The following ARHGEF3 variants were observed in gnomAD, a reference collection of about 807,000 sequenced individuals.
ARHGEF3 encodes 59.8 kDA protein.
In ARHGEF3, 28 loss-of-function variants were observed where a neutral mutation model predicts 63.2. That is an observed-to-expected ratio of 0.44 (90% CI 0.33 to 0.61). ARHGEF3 has a LOEUF of 0.61. ARHGEF3 is among the 20% of genes least tolerant of loss of function. ARHGEF3 has a pLI of 0.03. For synonymous variants in ARHGEF3, 266 were observed against 254.2 expected (o/e 1.05, Z -0.44); for missense variants, 533 against 659.3 (o/e 0.81, Z 2.10).
chr3:56,766,032 T>G (rs552057597), intron 2 of ARHGEF3, among the ~76,000 whole-genome samples: 1 of 152,170 alleles, frequency 6.6e-6, no homozygotes, highest in Non-Finnish European at 1.5e-5. Context: ...TGGTTTTTTT[T>G]CCCTATCCAT....
At chr3:56,811,155 G>A (rs2038049130) in intron 4 of ARHGEF3, among the ~76,000 whole-genome samples, 1 of 152,216 alleles carries the variant, frequency 6.6e-6, no homozygotes, top group Non-Finnish European at 1.5e-5. Flanking sequence ...TATACTCCGA[G>A]TAAACTACCA....
chr3:56,737,142 T>TA (rs2033676981), intron 8 of ARHGEF3, 43 bp downstream of exon 8: 3 of 1,540,790 alleles, frequency 1.9e-6, no homozygotes, highest in Non-Finnish European at 2.7e-6. Context: ...GAATTAGGGA[T>TA]ACGGGAGGCG....
intron 1 of ARHGEF3, among the ~76,000 whole-genome samples, chr3:57,068,056 C>T (rs1705663095): frequency 6.6e-6 from 1 of 152,018 alleles, no homozygotes; most frequent in Non-Finnish European, 1.5e-5. Context: ...ACCTGTAGTC[C>T]CAGTTACTCT....
At chr3:56,920,602 G>C (rs2108362916) in intron 3 of ARHGEF3, among the ~76,000 whole-genome samples, 1 of 152,244 alleles carries the variant, frequency 6.6e-6, no homozygotes, top group South Asian at 2.1e-4. Context: ...ACTTTATCCT[G>C]GTTCCTTAAT....
At chr3:56,827,703 C>T (rs1255731548) in intron 4 of ARHGEF3, among the ~76,000 whole-genome samples, 1 of 126,518 alleles carries the variant, frequency 7.9e-6, no homozygotes, top group Non-Finnish European at 1.6e-5. Context: ...TTACTTGAGC[C>T]TAAGAGTTCA....
chr3:57,073,783 T>A lies in ARHGEF3; in HGVS notation c.-28+5443A>T, dbSNP rs748009888. On this transcript the variant is annotated intron_variant, in intron 1 of 12. Coordinates refer to the ARHGEF3 transcript ENST00000338458. The stretch of plus-strand genomic sequence containing the variant: ...AAGGCACTAGACTCTTCCAGACTCG[T>A]TCCATGGCCACCCAGAGGCCTTGGG... The A allele has an allele frequency of 5.6e-6, 9 of 1,614,218 alleles. No individual in the cohort carries two copies. In the East Asian group the frequency reaches 1.1e-4, roughly 20 times the overall value.
At chr3:57,046,027 G>GA (rs5849185) in intron 1 of ARHGEF3, among the ~76,000 whole-genome samples, 23,315 of 152,060 alleles carry the variant, frequency 0.15, 2,224 homozygotes, top group Non-Finnish European at 0.22. Flanking sequence ...TCAAAATGCA[G>GA]AAAAAAATAA....
chr3:56,767,386 T>C (rs2035760868), intron 2 of ARHGEF3, among the ~76,000 whole-genome samples: 1 of 151,698 alleles, frequency 6.6e-6, no homozygotes, highest in Non-Finnish European at 1.5e-5. Flanking sequence ...ATTGAGGCCA[T>C]CCTGGCTAAC....
intron 4 of ARHGEF3, among the ~76,000 whole-genome samples, chr3:56,868,610 G>T (rs1578719813): frequency 2.0e-5 from 3 of 152,122 alleles, no homozygotes; most frequent in African/African-American, 7.2e-5. Flanking sequence ...TGATCTGCCT[G>T]CCTCAGCCTC....
intron 3 of ARHGEF3, among the ~76,000 whole-genome samples, chr3:56,933,725 A>C (rs1009508879): frequency 2.6e-5 from 4 of 152,122 alleles, no homozygotes; most frequent in African/African-American, 9.7e-5. Flanking sequence ...CCAATGGAAA[A>C]ATTATTTGTA....
At chr3:56,996,892 T>TATTATTA (rs202043317) in intron 2 of ARHGEF3, among the ~76,000 whole-genome samples, 7 of 122,526 alleles carry the variant, frequency 5.7e-5, no homozygotes, top group African/African-American at 2.2e-4. Context: ...TTATTATTAT[T>TATTATTA]TTTTTTTTTT....
chr3:56,882,245 A>G (rs1334443692), intron 4 of ARHGEF3: 1 of 1,505,934 alleles, frequency 6.6e-7, no homozygotes, highest in South Asian at 1.2e-5. Flanking sequence ...CCTTCGGAGA[A>G]GAGAGATGCT....
At chr3:57,008,894 G>T (rs147972930) in intron 2 of ARHGEF3, among the ~76,000 whole-genome samples, 54 of 152,326 alleles carry the variant, frequency 3.5e-4, no homozygotes, top group African/African-American at 1.3e-3. Flanking sequence ...ATATTTAAAA[G>T]AATTTTTTTC....
intron 4 of ARHGEF3, among the ~76,000 whole-genome samples, chr3:56,823,092 C>T (rs1393742666): frequency 6.6e-6 from 1 of 152,146 alleles, no homozygotes; most frequent in African/African-American, 2.4e-5. Context: ...TTCCACTTTT[C>T]CTCCCCATGT....
chr3:56,915,815 T>C (rs2041973292), intron 3 of ARHGEF3, among the ~76,000 whole-genome samples: 1 of 152,190 alleles, frequency 6.6e-6, no homozygotes, highest in Non-Finnish European at 1.5e-5. Context: ...AGTTTAGCCA[T>C]CTTCCAATCC....
chr3:56,961,149 AATGTAAATAC>A (rs72428659), intron 2 of ARHGEF3, among the ~76,000 whole-genome samples: 17,550 of 152,260 alleles, frequency 0.12, 1,268 homozygotes, highest in East Asian at 0.25. Flanking sequence ...ATTATGTTAT[AATGTAAATAC>A]ATGACATACA....
At chr3:56,944,741 G>A (rs1431590501) in intron 3 of ARHGEF3, among the ~76,000 whole-genome samples, 4 of 151,888 alleles carry the variant, frequency 2.6e-5, no homozygotes, top group African/African-American at 9.7e-5. Flanking sequence ...ACCATGTCCA[G>A]CTAATTTTTG....
chr3:56,905,927 C>T (rs935716953), intron 3 of ARHGEF3, among the ~76,000 whole-genome samples: 3 of 151,888 alleles, frequency 2.0e-5, no homozygotes, highest in Non-Finnish European at 2.9e-5. Context: ...TGAAGTGGCA[C>T]GATCTCAGCT....
intron 3 of ARHGEF3, among the ~76,000 whole-genome samples, 156 bp from the exon 4 acceptor site, chr3:56,753,722 C>A (rs2034905279): frequency 6.6e-6 from 1 of 152,160 alleles, no homozygotes; most frequent in South Asian, 2.1e-4. Flanking sequence ...CTTAAACCTG[C>A]AATGAAAAGA....
Sources: gnomAD v4.1 joint callset for allele counts (sites outside exome capture counted in the v4.1 genomes callset) on GRCh38, gnomAD v4.1.1 for gene constraint, MANE v1.5 for transcripts, NCBI Gene and HGNC (gene_info 2026-07-23, HGNC 2026-07-21) for gene names.